UGT1A9: variants seen among roughly 807,000 people sequenced by gnomAD.
UGT1A9 encodes the protein UDP glucuronosyltransferase family 1 member A9, also known as UDP-glucuronosyltransferase 1A9.
Under a neutral mutation model 45.0 loss-of-function variants are expected in UGT1A9, and 35 were observed. That is an observed-to-expected ratio of 0.78 (90% CI 0.59 to 1.03). UGT1A9 has a LOEUF of 1.03. Ranked by LOEUF, UGT1A9 falls within the 50% of genes least tolerant of loss-of-function variation. The probability of loss-of-function intolerance (pLI) is 0.00; values close to 1 mark genes in which losing one functional copy is unlikely to be tolerated. For missense variants in UGT1A9, 687 were observed against 666.6 expected (o/e 1.03, Z -0.34); for synonymous variants, 278 against 250.6 (o/e 1.11, Z -1.03).
chr2:233,770,355 G>C (rs1271934216), intron 4 of UGT1A9: 2 of 152,122 alleles, frequency 1.3e-5, no homozygotes, highest in African/African-American at 4.8e-5. Flanking sequence ...ACTATTGAAT[G>C]AATGAATGAA....
At chr2:233,684,194 T>C (rs2074666904) in intron 1 of UGT1A9, among the ~76,000 whole-genome samples, 1 of 152,190 alleles carries the variant, frequency 6.6e-6, no homozygotes, top group African/African-American at 2.4e-5. Context: ...AAAGAGTGAC[T>C]GTTCAACCAA....
At chr2:233,675,913 C>A (rs1187695391) in intron 1 of UGT1A9, among the ~76,000 whole-genome samples, 1 of 152,086 alleles carries the variant, frequency 6.6e-6, no homozygotes, top group Non-Finnish European at 1.5e-5. Flanking sequence ...AATAAAAATT[C>A]TTTAATATTA....
intron 1 of UGT1A9, among the ~76,000 whole-genome samples, chr2:233,673,405 C>T (rs2602376): frequency 0.22 from 32,911 of 152,040 alleles, 4,580 homozygotes; most frequent in South Asian, 0.33. Flanking sequence ...AGGCATTTTG[C>T]ATTTTTTGTC....
At chr2:233,681,647 CA>C (rs768465689) in intron 1 of UGT1A9, among the ~76,000 whole-genome samples, 2 of 151,822 alleles carry the variant, frequency 1.3e-5, no homozygotes, top group Admixed American at 6.6e-5. Flanking sequence ...AGGCCAAAAG[CA>C]TTGCTTAATA....
chr2:233,729,217 GT>G, intron 1 of UGT1A9: 1 of 1,614,140 alleles, frequency 6.2e-7, no homozygotes, highest in Non-Finnish European at 8.5e-7. Context: ...GAGTGGAAAG[GT>G]GTTGGTGGTG....
At chr2:233,681,588 T>A (rs1277649218) in intron 1 of UGT1A9, among the ~76,000 whole-genome samples, 1 of 151,560 alleles carries the variant, frequency 6.6e-6, no homozygotes, top group Non-Finnish European at 1.5e-5. Flanking sequence ...ATTCCAAAAT[T>A]ATTAGCTTCG....
At chr2:233,748,872 G>A (rs1337715059) in intron 1 of UGT1A9, among the ~76,000 whole-genome samples, 3 of 151,552 alleles carry the variant, frequency 2.0e-5, no homozygotes, top group Non-Finnish European at 4.4e-5. Context: ...GCTGGGGACG[G>A]TGATGAATGG....
chr2:233,765,343 C>G (rs189255390), intron 1 of UGT1A9, among the ~76,000 whole-genome samples: 22 of 152,252 alleles, frequency 1.4e-4, no homozygotes, highest in African/African-American at 5.3e-4. Flanking sequence ...ATAACAAAGT[C>G]ATGGAACCAA....
chr2:233,757,558 A>ATATATATATATATATATATATATC (rs1553619909), intron 1 of UGT1A9, among the ~76,000 whole-genome samples: 1 of 124,446 alleles, frequency 8.0e-6, no homozygotes, highest in African/African-American at 3.3e-5. Context: ...ATATATATAT[A>ATATATATATATATATATATATATC]TATGTATATA....
intron 1 of UGT1A9, among the ~76,000 whole-genome samples, chr2:233,733,920 G>C (rs2078453813): frequency 1.3e-5 from 2 of 151,954 alleles, no homozygotes; most frequent in Non-Finnish European, 1.5e-5. Context: ...GAATTCGGCT[G>C]TGAGGAAGGG....
Position 233,760,610 on chromosome 2 carries a change from G to A in UGT1A9, c.856-6424G>A. 5 of 1,614,182 alleles carry A rather than the reference G, an allele frequency of 3.1e-6. No homozygotes were observed. Among genetic ancestry groups the A allele is most frequent in the Non-Finnish European group, 3.4e-6 (4 of 1,180,034 alleles). The stretch of plus-strand genomic sequence containing the variant: ...TTTGAGAATGATTCTTTCCTGCAGC[G>A]TGTGATCAAAACATACAAGAAAATA... On this transcript the variant is annotated intron_variant, in intron 1 of 4. Coordinates refer to ENST00000354728, the MANE Select transcript of UGT1A9 (RefSeq NM_021027.3).
At chr2:233,729,848 G>A (rs2077933569) in intron 1 of UGT1A9, 3 of 1,613,874 alleles carry the variant, frequency 1.9e-6, no homozygotes, top group Non-Finnish European at 2.5e-6. Context: ...CTTTTTCAGA[G>A]AGAGGTGTCA....
At chr2:233,730,577 T>C (rs1559376049) in intron 1 of UGT1A9, among the ~76,000 whole-genome samples, 1 of 152,254 alleles carries the variant, frequency 6.6e-6, no homozygotes, top group East Asian at 1.9e-4. Context: ...AAGTTCAGTT[T>C]CCAGACAGGG....
intron 1 of UGT1A9, among the ~76,000 whole-genome samples, chr2:233,710,776 G>T (rs28898590): frequency 0.038 from 5,758 of 152,276 alleles, 135 homozygotes; most frequent in Non-Finnish European, 0.057. Context: ...GTCAATTTTA[G>T]CAAACGTTTT....
intron 1 of UGT1A9, chr2:233,713,940 A>G (rs2076357605): frequency 6.2e-7 from 1 of 1,610,192 alleles, no homozygotes; most frequent in African/African-American, 1.3e-5. Context: ...GTGCTTCCAT[A>G]TCTACTTATC....
chr2:233,675,197 C>T (rs950027047), intron 1 of UGT1A9, among the ~76,000 whole-genome samples: 85 of 152,138 alleles, frequency 5.6e-4, no homozygotes, highest in African/African-American at 1.9e-3. Flanking sequence ...GGCAGATGGC[C>T]CCGTCTTCAA....
intron 1 of UGT1A9, chr2:233,690,644 G>C: frequency 7.8e-7 from 1 of 1,287,608 alleles, no homozygotes. Flanking sequence ...AGGACACCTT[G>C]ACTCCTACAG....
chr2:233,717,764 C>T (rs1326469547), intron 1 of UGT1A9: 3 of 456,554 alleles, frequency 6.6e-6, no homozygotes, highest in Non-Finnish European at 1.3e-5. Context: ...GAAAGGCACA[C>T]ATTTAATTCT....
In UGT1A9 at chr2:233,731,732, C is replaced by T. The variant is rs376493971; in HGVS notation, c.856-35302C>T. Among the ~76,000 whole-genome samples, 8 of 152,220 alleles carry T rather than the reference C, an allele frequency of 5.3e-5. No homozygotes were observed. In the East Asian group the frequency reaches 1.3e-3, roughly 26 times the overall value. On this transcript the variant is annotated intron_variant, in intron 1 of 4. Transcript: ENST00000354728. ...CAGGTCTTTGCTATTGTGAATAGTG[C>T]CACAATAAACATACGTGTGCATGTG...
Sources: gnomAD v4.1 joint callset for allele counts (sites outside exome capture counted in the v4.1 genomes callset) on GRCh38, gnomAD v4.1.1 for gene constraint, MANE v1.5 for transcripts, NCBI Gene and HGNC (gene_info 2026-07-23, HGNC 2026-07-21) for gene names.